The following ADD1 variants were observed in gnomAD, a reference collection of about 807,000 sequenced individuals.
ADD1 encodes alpha-adducin.
Under a neutral mutation model 80.5 loss-of-function variants are expected in ADD1, and 24 were observed. That is an observed-to-expected ratio of 0.30 (90% CI 0.22 to 0.42). The LOEUF (loss-of-function observed/expected upper bound fraction) is 0.42, where lower values mean the gene tolerates loss of function less well. Among genes scored for constraint, ADD1 ranks in the 10% least tolerant of loss-of-function variants. The probability of loss-of-function intolerance (pLI) is 1.00; values close to 1 mark genes in which losing one functional copy is unlikely to be tolerated. For missense variants in ADD1, 948 were observed against 1,019.0 expected (o/e 0.93, Z 0.95); for synonymous variants, 373 against 393.8 (o/e 0.95, Z 0.63).
chr4:2,855,165 G>A (rs887173337), intron 1 of ADD1: 1 of 152,102 alleles, frequency 6.6e-6, no homozygotes, highest in African/African-American at 2.4e-5. Context: ...AATTATATCT[G>A]TAGTCTTTGC....
intron 1 of ADD1, chr4:2,844,694 A>T (rs1219834776): frequency 6.6e-6 from 1 of 152,138 alleles, no homozygotes; most frequent in Admixed American, 6.6e-5. Flanking sequence ...CATTCACTTT[A>T]TGCATACCCA....
intron 1 of ADD1, among the ~76,000 whole-genome samples, chr4:2,859,988 A>G (rs899018465): frequency 6.6e-6 from 1 of 150,698 alleles, no homozygotes; most frequent in Non-Finnish European, 1.5e-5. Flanking sequence ...TACGTGTTTA[A>G]TTAGATTATA....
chr4:2,909,487 C>T, intron 13 of ADD1, 56 bp downstream of exon 13: 4 of 1,110,550 alleles, frequency 3.6e-6, no homozygotes, highest in African/African-American at 3.4e-5. Flanking sequence ...CCTCCCCTCC[C>T]CCCTCCCCGT....
chr4:2,849,136 G>C, intron 1 of ADD1, among the ~76,000 whole-genome samples: 1 of 152,124 alleles, frequency 6.6e-6, no homozygotes, highest in East Asian at 1.9e-4. Context: ...ACATAATTAA[G>C]TATGGACACT....
At chr4:2,921,976 A>G (rs1256697627) in intron 14 of ADD1, among the ~76,000 whole-genome samples, 2 of 151,456 alleles carry the variant, frequency 1.3e-5, no homozygotes, top group Non-Finnish European at 2.9e-5. Flanking sequence ...TGTGTTTTTC[A>G]GCTCCATCAG....
chr4:2,920,681 T>C (rs968202977), intron 14 of ADD1, among the ~76,000 whole-genome samples: 1 of 150,922 alleles, frequency 6.6e-6, no homozygotes, highest in Non-Finnish European at 1.5e-5. Flanking sequence ...TGCTTTTCTT[T>C]TGCTTGGTAA....
chr4:2,898,374 A>T, intron 7 of ADD1, 47 bp downstream of exon 7: 1 of 1,614,146 alleles, frequency 6.2e-7, no homozygotes. Context: ...AGAAAGAAGA[A>T]TAAAGCAAAG....
rs1181820516 is a variant in ADD1 at position 2,899,383 on chromosome 4, G to C, written c.1109G>C (p.Trp370Ser). 1.2e-6 allele frequency: 2 copies of C among 1,614,188 alleles called. No individual in the cohort carries two copies. The highest frequency in any genetic ancestry group is 1.7e-6 in the Non-Finnish European group (2 of 1,180,036). Residue 370 changes from tryptophan (W) to serine (S), a missense_variant, in exon 9 of 16, where the codon TGG becomes TCG. Physicochemically the swap from Trp to Ser is radical, Grantham distance 177. Coordinates refer to ENST00000683351, the MANE Select transcript of ADD1 (RefSeq NM_001354761.2). The part of the protein sequence containing the change: ...VGEGTGSPPK[W>S]QIGEQEFEAL... Reference sequence around the variant, plus strand: ...GAAGGCACTGGATCGCCTCCCAAGTGGCAGATTGGTGAGCAGGAATTTGAA... The same window carrying C: ...GAAGGCACTGGATCGCCTCCCAAGTCGCAGATTGGTGAGCAGGAATTTGAA...
chr4:2,923,119 C>T (rs1036612080), intron 14 of ADD1, among the ~76,000 whole-genome samples: 3 of 152,236 alleles, frequency 2.0e-5, no homozygotes, highest in African/African-American at 4.8e-5. Flanking sequence ...GGCTCCCTGG[C>T]TTCAGCCCCC....
intron 1 of ADD1, among the ~76,000 whole-genome samples, chr4:2,875,572 G>A (rs1731149158): frequency 6.6e-6 from 1 of 152,206 alleles, no homozygotes; most frequent in Admixed American, 6.5e-5. Context: ...TGTCTGTAAA[G>A]AATCACGTGG....
intron 1 of ADD1, among the ~76,000 whole-genome samples, chr4:2,861,311 C>G (rs936050676): frequency 3.9e-5 from 6 of 152,030 alleles, no homozygotes; most frequent in Admixed American, 2.6e-4. Flanking sequence ...AACTCTTGGC[C>G]CCAAGTGGTC....
chr4:2,895,244 A>C (rs1371304855), intron 6 of ADD1, among the ~76,000 whole-genome samples: 1 of 152,196 alleles, frequency 6.6e-6, no homozygotes, highest in Non-Finnish European at 1.5e-5. Context: ...TGACAGAGTA[A>C]GACCTTGTCT....
intron 3 of ADD1, among the ~76,000 whole-genome samples, chr4:2,882,276 C>G (rs184726647): frequency 1.3e-5 from 2 of 152,310 alleles, no homozygotes; most frequent in East Asian, 3.9e-4. Flanking sequence ...GCCAGTGAGA[C>G]TTTATTTCCG....
chr4:2,894,508 CAAAAAAAAA>C (rs898922221), intron 5 of ADD1, 65 bp from the exon 6 acceptor site: 2 of 1,092,034 alleles, frequency 1.8e-6, no homozygotes, highest in Non-Finnish European at 2.4e-6. Context: ...CAGACCCTAT[CAAAAAAAAA>C]AAAAAAAAGA....
At chr4:2,892,874 G>C (rs1405493037) in intron 4 of ADD1, among the ~76,000 whole-genome samples, 1 of 151,196 alleles carries the variant, frequency 6.6e-6, no homozygotes, top group African/African-American at 2.4e-5. Context: ...AGATCAAGTA[G>C]TAAGGGTACA....
intron 1 of ADD1, among the ~76,000 whole-genome samples, chr4:2,865,662 C>T (rs1729441854): frequency 6.6e-6 from 1 of 152,100 alleles, no homozygotes; most frequent in South Asian, 2.1e-4. Context: ...TATCTACAAT[C>T]CTGCCAAACT....
At chr4:2,905,982 A>C (rs1367909602) in intron 10 of ADD1, among the ~76,000 whole-genome samples, 2 of 152,110 alleles carry the variant, frequency 1.3e-5, no homozygotes, top group Non-Finnish European at 2.9e-5. Context: ...TGGAGGAGAC[A>C]GGGGCTGAAG....
chr4:2,905,316 G>T, intron 10 of ADD1: 2 of 589,578 alleles, frequency 3.4e-6, no homozygotes, highest in Non-Finnish European at 6.0e-6. Context: ...AAGATGTAAT[G>T]TAACTCCGCA....
intron 14 of ADD1, among the ~76,000 whole-genome samples, chr4:2,917,034 C>T (rs933551331): frequency 6.6e-6 from 1 of 152,052 alleles, no homozygotes; most frequent in African/African-American, 2.4e-5. Flanking sequence ...GTTTATAATC[C>T]TTTGGTTATA....
Sources: allele counts gnomAD v4.1 joint callset (sites outside exome capture counted in the v4.1 genomes callset), GRCh38; gene constraint gnomAD v4.1.1; transcripts MANE v1.5; gene names NCBI Gene and HGNC (gene_info 2026-07-23, HGNC 2026-07-21).